The following KANTR variants were observed in gnomAD, a reference collection of about 807,000 sequenced individuals.
KANTR encodes the protein KDM5C adjacent transcript.
intron 2 of KANTR, among the ~76,000 whole-genome samples, chrX:53,116,640 A>G (rs1556814621): frequency 9.0e-6 from 1 of 111,402 alleles, no homozygotes; most frequent in Non-Finnish European, 1.9e-5. Context: ...CGTAGACCTC[A>G]CTGTCTTGCC....
intron 2 of KANTR, among the ~76,000 whole-genome samples, chrX:53,132,800 G>A (rs782109073): frequency 1.8e-5 from 2 of 111,712 alleles, no homozygotes; most frequent in South Asian, 3.8e-4. Context: ...AAATAGTGAT[G>A]GGTGCACTCC....
chrX:53,145,003 A>AT (rs1933553861), downstream of KANTR, among the ~76,000 whole-genome samples: 1 of 111,072 alleles, frequency 9.0e-6, no homozygotes, highest in Non-Finnish European at 1.9e-5. Flanking sequence ...AATTCTATAG[A>AT]TCTATAGGTG....
chrX:53,116,261 A>G (rs1321400258), intron 2 of KANTR, among the ~76,000 whole-genome samples: 1 of 112,006 alleles, frequency 8.9e-6, no homozygotes, highest in Non-Finnish European at 1.9e-5. Flanking sequence ...AACCCTTGCC[A>G]AGAGGATCTG....
intron 2 of KANTR, among the ~76,000 whole-genome samples, chrX:53,138,765 C>A: frequency 9.2e-6 from 1 of 109,065 alleles, no homozygotes; most frequent in African/African-American, 3.3e-5. Context: ...ACAAGTAGAC[C>A]AATACAACAG....
At chrX:53,144,915 G>A (rs1190902540), downstream of KANTR, among the ~76,000 whole-genome samples, 1 of 111,758 alleles carries the variant, frequency 8.9e-6, no homozygotes, top group Non-Finnish European at 1.9e-5. Context: ...CCAGGCAGCT[G>A]CCTTAGTCGT....
At chrX:53,129,001 T>C (rs1556816551), downstream of KANTR, among the ~76,000 whole-genome samples, 2 of 110,333 alleles carry the variant, frequency 1.8e-5, no homozygotes, top group African/African-American at 6.6e-5. Flanking sequence ...TCATTTACCT[T>C]TTATTTGCCC....
rs146324053 is a variant in KANTR at position 53,115,928 on chromosome X, G to A, written c.-804-7541G>A. Reference sequence around the variant, plus strand: ...TGTTTCTGTTGGGGAATGAGCACTGGAAAGTCCTGCTCTGCCATCTTGCTG... The same window carrying A: ...TGTTTCTGTTGGGGAATGAGCACTGAAAAGTCCTGCTCTGCCATCTTGCTG... On this transcript the variant is annotated intron_variant, in intron 2 of 2. Coordinates refer to ENST00000604062, the Ensembl canonical transcript of KANTR. Among the ~76,000 whole-genome samples the A allele has an allele frequency of 6.8e-3, 763 of 112,085 alleles. 2 individuals carry two copies. The highest frequency in any genetic ancestry group is 9.8e-3 in the Admixed American group (104 of 10,565).
At chrX:53,124,497 T>G in exon 3 of KANTR, 1 of 297,144 alleles carries the variant, frequency 3.4e-6, no homozygotes, top group Non-Finnish European at 5.9e-6. Context: ...TGTTGTTCTT[T>G]TTCTAATTTA....
At chrX:53,143,348 G>T, downstream of KANTR, 1 of 745,127 alleles carries the variant, frequency 1.3e-6, no homozygotes. Flanking sequence ...ATCTTCATGA[G>T]GTAGTTGGTC....
intron 2 of KANTR, among the ~76,000 whole-genome samples, chrX:53,107,046 G>C (rs1295300354): frequency 9.0e-6 from 1 of 110,692 alleles, no homozygotes; most frequent in Non-Finnish European, 1.9e-5. Flanking sequence ...CACTATGCTA[G>C]ACCACACTGT....
At chrX:53,102,239 C>T (rs1198026239) in intron 2 of KANTR, among the ~76,000 whole-genome samples, 3 of 111,892 alleles carry the variant, frequency 2.7e-5, no homozygotes, top group African/African-American at 9.7e-5. Context: ...ATTGCCTGTA[C>T]TCTTAACGAA....
chrX:53,127,725 G>A (rs1933306116), downstream of KANTR, among the ~76,000 whole-genome samples: 1 of 111,579 alleles, frequency 9.0e-6, no homozygotes, highest in Non-Finnish European at 1.9e-5. Flanking sequence ...TCAAACTGCT[G>A]TGTTGTCGTG....
chrX:53,129,781 A>G (rs1933338515), downstream of KANTR, among the ~76,000 whole-genome samples: 2 of 110,627 alleles, frequency 1.8e-5, no homozygotes, highest in South Asian at 3.8e-4. Context: ...CTATGAATGC[A>G]GTGTTTTCTT....
intron 2 of KANTR, among the ~76,000 whole-genome samples, chrX:53,119,664 C>T (rs782778972): frequency 6.3e-5 from 7 of 111,790 alleles, no homozygotes; most frequent in African/African-American, 2.3e-4. Flanking sequence ...GCAAAATCTT[C>T]CCATCTTATT....
chrX:53,126,983 A>G (rs73208462), exon 3 of KANTR: 3,946 of 110,691 alleles, frequency 0.036, 100 homozygotes, highest in Non-Finnish European at 0.05. Context: ...CTTGTCTCCT[A>G]TCACTCTCAA....
intron 2 of KANTR, among the ~76,000 whole-genome samples, chrX:53,119,502 G>A (rs1310053505): frequency 9.0e-6 from 1 of 111,433 alleles, no homozygotes; most frequent in Non-Finnish European, 1.9e-5. Flanking sequence ...ATAATAATCT[G>A]AGAAACCACC....
exon 3 of KANTR, chrX:53,126,589 C>G (rs1556816228): frequency 9.0e-6 from 1 of 111,726 alleles, no homozygotes; most frequent in African/African-American, 3.3e-5. Flanking sequence ...TCTCTTATTG[C>G]TTGGTCATCT....
chrX:53,098,955 C>A (rs1356689288), intron 1 of KANTR, among the ~76,000 whole-genome samples: 1 of 110,810 alleles, frequency 9.0e-6, no homozygotes, highest in East Asian at 2.8e-4. Flanking sequence ...AAACTCCTGG[C>A]CTCAAGTAAT....
intron 2 of KANTR, among the ~76,000 whole-genome samples, chrX:53,139,282 A>G (rs1156816992): frequency 9.0e-6 from 1 of 111,023 alleles, no homozygotes; most frequent in Non-Finnish European, 1.9e-5. Context: ...GTGAAAATAA[A>G]ACTGTAATGT....
Sources: gnomAD v4.1 joint callset for allele counts (sites outside exome capture counted in the v4.1 genomes callset) on GRCh38, gnomAD v4.1.1 for gene constraint, MANE v1.5 for transcripts, NCBI Gene and HGNC (gene_info 2026-07-23, HGNC 2026-07-21) for gene names.